The following INF2 variants were observed in gnomAD, a reference collection of about 807,000 sequenced individuals.
INF2 encodes the protein inverted formin 2, also known as inverted formin-2.
A neutral mutation model predicts 123.5 loss-of-function variants in INF2; 43 were observed. The ratio of observed to expected loss-of-function variants is 0.35; its 90% CI spans 0.27 to 0.45. The LOEUF is 0.45. INF2 is among the 20% of genes least tolerant of loss of function. INF2 has a pLI of 1.00. For missense variants in INF2, 1,453 were observed against 1,682.7 expected, an observed-to-expected ratio of 0.86 and a Z score of 2.39; for synonymous variants, 851 against 745.0, an observed-to-expected ratio of 1.14 and a Z score of -2.32.
In INF2 at chr14:104,701,442, C is replaced by T. The variant is rs1479164061; in HGVS notation, c.77C>T (p.Thr26Met). ...CTGGGGCCACAGGATTCGGACCCCA[C>T]GGAGGCCAACCTGGAGAGCGCGGAC... ...EKLGPQDSDP[T>M]EANLESADPE... The change falls in exon 2 of 23, where the codon ACG becomes ATG. Residue 26 changes from threonine to methionine, a missense_variant. Around this residue, in one of 8 missense-constraint regions of INF2, gnomAD observed 43 missense variants for 44.7 expected, o/e 0.96. Coordinates refer to ENST00000392634, the MANE Select transcript of INF2 (RefSeq NM_022489.4). The T allele has an allele frequency of 6.3e-6, 10 of 1,595,918 alleles. No homozygotes were observed. Among genetic ancestry groups the T allele is most frequent in the Non-Finnish European group, 6.8e-6 (8 of 1,171,136 alleles).
In INF2 at chr14:104,718,878, G is replaced by A; in HGVS notation, c.*85G>A. On this transcript the variant is annotated 3_prime_UTR_variant, in exon 23 of 23. Transcript: ENST00000392634. The stretch of plus-strand genomic sequence containing the variant: ...TTCTGCCAAGAGAGGCTCTTCTGGG[G>A]GCCAGGCTGGGACTGGGCCCCGGAA... 1.1e-5 allele frequency: 18 copies of A among 1,596,614 alleles called. No individual in the cohort carries two copies. The highest frequency in any genetic ancestry group is 1.5e-5 in the Non-Finnish European group (18 of 1,174,068).
chr14:104,716,857 A>G (rs908968657), intron 22 of INF2, among the ~76,000 whole-genome samples: 1 of 151,960 alleles, frequency 6.6e-6, no homozygotes, highest in Non-Finnish European at 1.5e-5. Context: ...CGCGCGGCTA[A>G]TTTTTTGTAT....
intron 1 of INF2, among the ~76,000 whole-genome samples, chr14:104,693,818 C>T (rs1414929731): frequency 6.6e-6 from 1 of 152,222 alleles, no homozygotes; most frequent in Non-Finnish European, 1.5e-5. Flanking sequence ...GGGACATGGC[C>T]TCGGTGTACA....
At chr14:104,703,886 A>G in intron 4 of INF2, 30 bp from the exon 5 acceptor site, 1 of 1,610,740 alleles carries the variant, frequency 6.2e-7, no homozygotes, top group East Asian at 2.2e-5. Flanking sequence ...GTGGCCTCCG[A>G]ACCCTCTGAC....
rs1257138137 is a variant in INF2, at chr14:104,720,930, G to C, written c.*2137G>C. 1 of 48,158 alleles carries C rather than the reference G, an allele frequency of 2.1e-5. No homozygotes were observed. The highest frequency in any genetic ancestry group is 3.8e-5 in the Non-Finnish European group (1 of 26,466). The allele number at this position is 48,158 out of a possible 1,614,324, so 3.0% of individuals were successfully genotyped here. ...TGCTGTGGACGTCTGCGTCGTCCTC[G>C]TGTGGATGCTGCTGTGGACGTCTGC... On this transcript the variant is annotated 3_prime_UTR_variant, in exon 23 of 23. Coordinates refer to ENST00000392634, the MANE Select transcript of INF2 (RefSeq NM_022489.4).
Position 104,714,978 on chromosome 14 carries a change from C to A in INF2, c.3694+122C>A, listed in dbSNP as rs745580631. ...GCACCCAGGAGAGGTGACTTGGGTG[C>A]GGCACGGGAGAGGAGGCGGCAGTGC... is the stretch of plus-strand genomic sequence containing the variant. On this transcript the variant is annotated intron_variant, in intron 21 of 22. Coordinates refer to ENST00000392634, the MANE Select transcript of INF2 (RefSeq NM_022489.4). The A allele has an allele frequency of 2.1e-5, 23 of 1,106,916 alleles. No homozygotes were observed. The African/African-American group carries it at 3.3e-4, about 16-fold the overall frequency. The allele number at this position is 1,106,916 out of a possible 1,614,324, so 68.6% of individuals were successfully genotyped here.
chr14:104,689,551 C>T (rs1888831141), upstream of INF2: 3 of 914,524 alleles, frequency 3.3e-6, no homozygotes, highest in Non-Finnish European at 3.9e-6. Flanking sequence ...GCTCGCTCCC[C>T]ACGTGGCCGC....
chr14:104,702,804 C>G (rs1435131720), intron 2 of INF2, among the ~76,000 whole-genome samples: 1 of 152,176 alleles, frequency 6.6e-6, no homozygotes, highest in African/African-American at 2.4e-5. Flanking sequence ...GTTGTGTCTG[C>G]CATAAACACA....
At position 104,714,460 on chromosome 14, in the gene INF2, G is replaced by A. The variant is rs1890198835; in HGVS notation, c.3298G>A (p.Ala1100Thr). 1 of 1,611,938 alleles carries A rather than the reference G, an allele frequency of 6.2e-7. No homozygotes were observed. Among genetic ancestry groups the A allele is most frequent in the African/African-American group, 1.3e-5 (1 of 74,910 alleles). ...CCAGTGCCCCCAGCCCTTGGAGGGG[G>A]CCTGGCCGGTGACTCTGGGAGATGC... ...DPQCPQPLEG[A>T]WPVTLGDAQA... The change falls in exon 21 of 23, where the codon GCC becomes ACC. Residue 1100 changes from alanine (A) to threonine (T), a missense_variant. Physicochemically the swap from Ala to Thr is moderately conservative, Grantham distance 58. Coordinates refer to ENST00000392634, the MANE Select transcript of INF2 (RefSeq NM_022489.4).
At position 104,699,908 on chromosome 14, in the gene INF2, C is replaced by T. The variant is rs1034645168; in HGVS notation, c.-9-1449C>T. Among the ~76,000 whole-genome samples the T allele has an allele frequency of 2.0e-5, 3 of 152,238 alleles. No individual in the cohort carries two copies. The highest frequency in any genetic ancestry group is 2.1e-4 in the South Asian group (1 of 4,830). On this transcript the variant is annotated intron_variant, in intron 1 of 22. Coordinates refer to ENST00000392634, the MANE Select transcript of INF2 (RefSeq NM_022489.4). The surrounding 1 kb of genome is among the most constrained non-coding windows in gnomAD (Gnocchi z 4.7). Reference sequence around the variant, plus strand: ...TGTCAGGCTGCCTCCTGGAAGGAGCCCACTGGCCCCCTGGGGCAGTTGGAC... The same window carrying T: ...TGTCAGGCTGCCTCCTGGAAGGAGCTCACTGGCCCCCTGGGGCAGTTGGAC...
At chr14:104,687,634 G>T (rs1327094773), upstream of INF2, among the ~76,000 whole-genome samples, 1 of 152,126 alleles carries the variant, frequency 6.6e-6, no homozygotes, top group Non-Finnish European at 1.5e-5. The surrounding 1 kb of genome is among the most constrained non-coding windows in gnomAD (Gnocchi z 5.6). Context: ...GGCCTCTCTG[G>T]ACCAGGTGTG....
chr14:104,720,145 G>A lies in INF2; in HGVS notation c.*1352G>A, dbSNP rs867689175. On this transcript the variant is annotated 3_prime_UTR_variant, in exon 23 of 23. Coordinates refer to ENST00000392634, the MANE Select transcript of INF2 (RefSeq NM_022489.4). ...GCTCCAGATGTCATGCATGTCTCCT[G>A]GCTTCCTTCGGCTGTTTTCACGCGC... 67 of 154,882 alleles carry A rather than the reference G, an allele frequency of 4.3e-4. No homozygotes were observed. The highest frequency in any genetic ancestry group is 3.0e-3 in the Middle Eastern group (1 of 334). The allele number at this position is 154,882 out of a possible 1,614,324, so 9.6% of individuals were successfully genotyped here.
At chr14:104,688,071 G>T (rs775324337), upstream of INF2, among the ~76,000 whole-genome samples, 19 of 152,276 alleles carry the variant, frequency 1.2e-4, no homozygotes, top group African/African-American at 4.6e-4. Flanking sequence ...TTCTGCTCTG[G>T]AAGGGGCCCT....
Position 104,712,787 on chromosome 14 carries a change from C to T in INF2, c.2611-41C>T, listed in dbSNP as rs145794141. 22 of 1,565,930 alleles carry T rather than the reference C, an allele frequency of 1.4e-5. No individual in the cohort carries two copies. The African/African-American group carries it at 2.6e-4, about 18-fold the overall frequency. On this transcript the variant is annotated intron_variant, in intron 17 of 22. Transcript: ENST00000392634. ...AGGGCCTCACCCCGGGTGGTGCCCG[C>T]GCGGGGCTCTCACGGGACTGTCACG...
chr14:104,714,697 A>G lies in INF2; in HGVS notation c.3535A>G (p.Thr1179Ala), dbSNP rs778879482. Residue 1179 changes from threonine to alanine, a missense_variant, in exon 21 of 23, where the codon ACG becomes GCG. Thr to Ala is a moderately conservative substitution (Grantham distance 58). Coordinates refer to ENST00000392634, the MANE Select transcript of INF2 (RefSeq NM_022489.4). ...GGDEDEDEED[T>A]APESALDTSL... ...GGATGAGGACGAGGACGAGGAGGAC[A>G]CGGCCCCAGAGTCCGCACTGGACAC... The G allele has an allele frequency of 5.0e-6, 8 of 1,610,862 alleles. No individual in the cohort carries two copies. Among genetic ancestry groups the G allele is most frequent in the Non-Finnish European group, 5.9e-6 (7 of 1,178,694 alleles).
intron 2 of INF2, 36 bp downstream of exon 2, chr14:104,701,792 G>A (rs971338680): frequency 6.9e-7 from 1 of 1,453,680 alleles, no homozygotes; most frequent in Non-Finnish European, 9.0e-7. Flanking sequence ...CCAGGCGGAC[G>A]CTGGGGACCT....
At position 104,699,305 on chromosome 14, in the gene INF2, C is replaced by A; in HGVS notation, c.-9-2052C>A. 1.3e-6 allele frequency: 1 copy of A among 747,882 alleles called. No homozygotes were observed. The highest frequency in any genetic ancestry group is 6.0e-5 in the South Asian group (1 of 16,622). The allele number at this position is 747,882 out of a possible 1,614,324, so 46.3% of individuals were successfully genotyped here. A position where few individuals can be genotyped will look rare whatever the true frequency, so the allele number is the denominator to read the frequency against. ...GTGCCAAGGGGACAGGGACTCCGGC[C>A]AATGGAGGCGGGGGAGGAAAGGAGG... On this transcript the variant is annotated intron_variant, in intron 1 of 22. Coordinates refer to ENST00000392634, the MANE Select transcript of INF2 (RefSeq NM_022489.4). The surrounding 1 kb of genome is among the most constrained non-coding windows in gnomAD (Gnocchi z 4.7).
At chr14:104,689,590 T>TGCCCCCCCCC, upstream of INF2, 1 of 646,936 alleles carries the variant, frequency 1.5e-6, no homozygotes, top group Non-Finnish European at 1.9e-6. Context: ...CTCCTCTTCC[T>TGCCCCCCCCC]CCCGCCCGCC....
chr14:104,701,865 G>C, intron 2 of INF2, 109 bp downstream of exon 2: 1 of 1,248,622 alleles, frequency 8.0e-7, no homozygotes, highest in Non-Finnish European at 1.1e-6. Context: ...AGGAAGCGCA[G>C]CCAGGCAGGC....
Sources: gnomAD v4.1 joint callset for allele counts (sites outside exome capture counted in the v4.1 genomes callset) on GRCh38, gnomAD v4.1.1 for gene constraint, gnomAD v4.1.1 regional missense constraint, Gnocchi (gnomAD v3.1) non-coding constraint, MANE v1.5 for transcripts, NCBI Gene and HGNC (gene_info 2026-07-23, HGNC 2026-07-21) for gene names.